MIB1: variants seen among roughly 807,000 people sequenced by gnomAD.
MIB1 encodes the protein MIB E3 ubiquitin protein ligase 1.
In MIB1, 278 loss-of-function variants were observed where a neutral mutation model predicts 124.5. The ratio of observed to expected loss-of-function variants is 2.23; its 90% CI spans 2.02 to 2.47. The LOEUF is 2.47. Among genes scored for constraint, MIB1 ranks in the 30% most tolerant of loss-of-function variants. MIB1 has a pLI of 0.00. For synonymous variants in MIB1, 446 were observed against 429.4 expected (o/e 1.04, Z -0.48); for missense variants, 957 against 1,254.4 (o/e 0.76, Z 3.58).
intron 9 of MIB1, among the ~76,000 whole-genome samples, chr18:21,801,096 C>T (rs1233895304): frequency 6.6e-6 from 1 of 152,044 alleles, no homozygotes; most frequent in Non-Finnish European, 1.5e-5. Context: ...CTCTTTCTCA[C>T]CCCTATTTTC....
chr18:21,743,908 A>G (rs1330561125), intron 1 of MIB1, among the ~76,000 whole-genome samples: 6 of 152,156 alleles, frequency 3.9e-5, no homozygotes, highest in Admixed American at 3.3e-4. Flanking sequence ...ATAAACGTAG[A>G]TGTTTTTCAG....
intron 7 of MIB1, among the ~76,000 whole-genome samples, chr18:21,796,809 C>T (rs1356477494): frequency 2.6e-5 from 4 of 152,122 alleles, no homozygotes; most frequent in Non-Finnish European, 4.4e-5. Context: ...GTTTCTAGGA[C>T]CATGTTAAAA....
intron 9 of MIB1, among the ~76,000 whole-genome samples, chr18:21,802,345 T>C (rs912722214): frequency 6.6e-6 from 1 of 152,172 alleles, no homozygotes; most frequent in Non-Finnish European, 1.5e-5. Context: ...TATTGGTTAT[T>C]CTTGGACTAT....
At chr18:21,851,674 A>C (rs1384060361) in intron 17 of MIB1, among the ~76,000 whole-genome samples, 1 of 152,248 alleles carries the variant, frequency 6.6e-6, no homozygotes, top group East Asian at 1.9e-4. Flanking sequence ...TTTCAGTTGA[A>C]GTAGCAAAAA....
intron 10 of MIB1, among the ~76,000 whole-genome samples, chr18:21,812,005 C>A (rs186988522): frequency 3.0e-3 from 461 of 152,196 alleles, no homozygotes; most frequent in Non-Finnish European, 5.0e-3. Flanking sequence ...ATAAGGATGA[C>A]TAAGACACAG....
At chr18:21,860,098 C>CTTTTT (rs398032096) in intron 20 of MIB1, among the ~76,000 whole-genome samples, 2,125 of 26,456 alleles carry the variant, frequency 0.08, 597 homozygotes, top group South Asian at 0.16. Context: ...TTCTTTATGT[C>CTTTTT]TTTTTTTTTT....
At chr18:21,824,354 A>T (rs2041673512) in intron 12 of MIB1, among the ~76,000 whole-genome samples, 1 of 152,012 alleles carries the variant, frequency 6.6e-6, no homozygotes, top group African/African-American at 2.4e-5. Context: ...TGCTTTTTTT[A>T]CTTTTTAAAT....
At chr18:21,717,895 G>C (rs905456975) in intron 1 of MIB1, among the ~76,000 whole-genome samples, 6 of 152,152 alleles carry the variant, frequency 3.9e-5, no homozygotes, top group Non-Finnish European at 8.8e-5. Flanking sequence ...CCACTACTTG[G>C]TATCCATCCA....
chr18:21,724,269 T>C (rs2040727634), intron 1 of MIB1: 1 of 152,256 alleles, frequency 6.6e-6, no homozygotes, highest in South Asian at 2.1e-4. Flanking sequence ...ACTATATCCT[T>C]ATCTTCCTCA....
At chr18:21,862,914 A>G (rs550107692) in intron 20 of MIB1, among the ~76,000 whole-genome samples, 47 of 152,304 alleles carry the variant, frequency 3.1e-4, no homozygotes, top group Non-Finnish European at 5.7e-4. Context: ...GATTCAGGGA[A>G]TTTCAGTTAG....
intron 10 of MIB1, among the ~76,000 whole-genome samples, chr18:21,805,864 T>C (rs1400873354): frequency 6.6e-6 from 1 of 151,510 alleles, no homozygotes; most frequent in Non-Finnish European, 1.5e-5. Context: ...AGGAATGAAA[T>C]TGGCACTGTT....
chr18:21,763,537 T>C (rs2041123553), intron 1 of MIB1, among the ~76,000 whole-genome samples: 2 of 152,220 alleles, frequency 1.3e-5, no homozygotes, highest in African/African-American at 2.4e-5. Flanking sequence ...TTTCTATCAA[T>C]GGAGACCTGG....
chr18:21,759,448 G>A (rs2041073353), intron 1 of MIB1, among the ~76,000 whole-genome samples: 1 of 151,648 alleles, frequency 6.6e-6, no homozygotes, highest in Admixed American at 6.6e-5. Context: ...TCACCATGTT[G>A]GCCAGGCTGT....
intron 1 of MIB1, among the ~76,000 whole-genome samples, chr18:21,748,112 G>A (rs533994533): frequency 6.6e-6 from 1 of 152,310 alleles, no homozygotes; most frequent in South Asian, 2.1e-4. Flanking sequence ...CACAAAGCTG[G>A]TGAGTGGCAG....
chr18:21,862,241 T>G (rs2042283223), intron 20 of MIB1, among the ~76,000 whole-genome samples: 1 of 152,206 alleles, frequency 6.6e-6, no homozygotes, highest in South Asian at 2.1e-4. Flanking sequence ...ATAGCTTTGC[T>G]TCTCAAAACT....
In MIB1 at chr18:21,840,649, ATATATATATATATATATT is replaced by A. The variant is rs1328217483; in HGVS notation, c.1962+2154_1962+2171del. ...ACTGTATATATATATATATATATAT[ATATATATATATATATATT>A]TTTTTTTTTTTTTAATTAGCTGGGT... On this transcript the variant is annotated intron_variant, in intron 13 of 20. Coordinates refer to ENST00000261537, the MANE Select transcript of MIB1 (RefSeq NM_020774.4). 6.7e-3 allele frequency among the ~76,000 whole-genome samples: 481 copies of A among 71,312 alleles called. 7 individuals are homozygous for A. The highest frequency in any genetic ancestry group is 0.013 in the African/African-American group (251 of 19,598). The allele number at this position is 71,312 out of a possible 152,430, so 46.8% of individuals were successfully genotyped here.
chr18:21,835,184 G>A (rs571571999), intron 12 of MIB1, among the ~76,000 whole-genome samples: 80 of 152,094 alleles, frequency 5.3e-4, no homozygotes, highest in African/African-American at 1.8e-3. Context: ...TTAAAGGCAG[G>A]GAAGTATATT....
intron 7 of MIB1, among the ~76,000 whole-genome samples, chr18:21,793,399 A>G (rs193035332): frequency 1.3e-5 from 2 of 152,350 alleles, no homozygotes; most frequent in Admixed American, 1.3e-4. Context: ...GAAGGTCCAG[A>G]TAAAATTTAG....
At chr18:21,770,716 T>G (rs921747964) in intron 3 of MIB1, among the ~76,000 whole-genome samples, 2 of 152,182 alleles carry the variant, frequency 1.3e-5, no homozygotes, top group African/African-American at 4.8e-5. Flanking sequence ...CATATTTGTT[T>G]TTTTGTTAAG....
Sources: allele counts gnomAD v4.1 joint callset (sites outside exome capture counted in the v4.1 genomes callset), GRCh38; gene constraint gnomAD v4.1.1; transcripts MANE v1.5; gene names NCBI Gene and HGNC (gene_info 2026-07-23, HGNC 2026-07-21).